Variants in MMP16 observed in about 807,000 individuals in gnomAD.
The protein encoded by MMP16 is matrix metalloproteinase-16.
In MMP16, 12 loss-of-function variants were observed where a neutral mutation model predicts 67.8. The ratio of observed to expected loss-of-function variants is 0.18; its 90% CI spans 0.11 to 0.29. The LOEUF (loss-of-function observed/expected upper bound fraction) is 0.29. Among genes scored for constraint, MMP16 ranks in the 10% least tolerant of loss-of-function variants. MMP16 has a pLI of 1.00. For synonymous variants in MMP16, 249 were observed against 255.9 expected, an observed-to-expected ratio of 0.97 and a Z score of 0.26; for missense variants, 475 against 765.7, an observed-to-expected ratio of 0.62 and a Z score of 4.48.
intron 1 of MMP16, among the ~76,000 whole-genome samples, chr8:88,308,583 T>C (rs1197862818): frequency 6.6e-6 from 1 of 152,098 alleles, no homozygotes; most frequent in Non-Finnish European, 1.5e-5. Context: ...ATACATAGTG[T>C]TGAAGCACCT....
intron 4 of MMP16, among the ~76,000 whole-genome samples, chr8:88,158,042 G>A (rs943933115): frequency 2.0e-5 from 3 of 152,088 alleles, no homozygotes; most frequent in Non-Finnish European, 4.4e-5. Flanking sequence ...TGGTGTATAG[G>A]TGCCCCATTT....
intron 1 of MMP16, among the ~76,000 whole-genome samples, chr8:88,309,123 C>T (rs1811257141): frequency 6.6e-6 from 1 of 151,994 alleles, no homozygotes; most frequent in South Asian, 2.1e-4. Context: ...GCCCTTAACG[C>T]AGTAATTCCA....
intron 6 of MMP16, among the ~76,000 whole-genome samples, chr8:88,097,625 C>CAA (rs34488162): frequency 0.16 from 10,773 of 66,940 alleles, 853 homozygotes; most frequent in African/African-American, 0.2. Flanking sequence ...AACCCTGTCT[C>CAA]AAAAAAAAAA....
At chr8:88,326,491 G>T (rs1811539482) in intron 1 of MMP16, among the ~76,000 whole-genome samples, 1 of 151,906 alleles carries the variant, frequency 6.6e-6, no homozygotes, top group Non-Finnish European at 1.5e-5. Flanking sequence ...AAAAGAGATG[G>T]ATTTCATGTC....
intron 6 of MMP16, among the ~76,000 whole-genome samples, chr8:88,100,936 T>C (rs576963174): frequency 2.1e-5 from 3 of 144,104 alleles, no homozygotes; most frequent in African/African-American, 5.1e-5. Flanking sequence ...ATGAGAACAC[T>C]TGGACACAGG....
In MMP16 at chr8:88,087,128, C is replaced by T. The variant is rs956815710; in HGVS notation, c.1084-12385G>A. The stretch of plus-strand genomic sequence containing the variant: ...GGCTCTCTTTCCTGCTCCTATAGTC[C>T]TAAACTGGCCTATAGTCCTAAATTA... On this transcript the variant is annotated intron_variant, in intron 6 of 9. Coordinates refer to ENST00000286614, the MANE Select transcript of MMP16 (RefSeq NM_005941.5). 4.0e-5 allele frequency among the ~76,000 whole-genome samples: 6 copies of T among 151,806 alleles called. 1 individual carries two copies. Among genetic ancestry groups the T allele is most frequent in the South Asian group, 2.1e-4 (1 of 4,820 alleles).
At chr8:88,300,153 A>G (rs1811075460) in intron 1 of MMP16, among the ~76,000 whole-genome samples, 1 of 152,236 alleles carries the variant, frequency 6.6e-6, no homozygotes, top group African/African-American at 2.4e-5. Flanking sequence ...ACTTGTATAT[A>G]GAAAATTATA....
intron 1 of MMP16, among the ~76,000 whole-genome samples, chr8:88,248,790 T>TA (rs11356043): frequency 0.074 from 10,431 of 140,018 alleles, 468 homozygotes; most frequent in African/African-American, 0.12. Flanking sequence ...TTGGACATAG[T>TA]AAAAAAAAAA....
At chr8:88,116,836 C>T (rs1202632684) in intron 5 of MMP16, 118 bp from the exon 6 acceptor site, 4 of 879,694 alleles carry the variant, frequency 4.5e-6, no homozygotes, top group East Asian at 4.9e-5. Flanking sequence ...ACTAAGAGGT[C>T]TTTAAGATCG....
chr8:88,076,066 G>A (rs562969887), intron 6 of MMP16, among the ~76,000 whole-genome samples: 1 of 151,886 alleles, frequency 6.6e-6, no homozygotes, highest in African/African-American at 2.4e-5. Flanking sequence ...TGTCTTAAGA[G>A]CCTTTAATAG....
intron 1 of MMP16, among the ~76,000 whole-genome samples, chr8:88,214,307 G>A (rs912779356): frequency 1.3e-5 from 2 of 152,076 alleles, no homozygotes; most frequent in African/African-American, 4.8e-5. Flanking sequence ...ATTTATATAG[G>A]TAAATGAAAC....
intron 1 of MMP16, among the ~76,000 whole-genome samples, chr8:88,323,148 C>T (rs772835361): frequency 2.6e-5 from 4 of 152,064 alleles, no homozygotes; most frequent in Non-Finnish European, 5.9e-5. Flanking sequence ...ACCATTCTTC[C>T]ATGTCCAAAT....
At chr8:88,237,029 A>G (rs1206623511) in intron 1 of MMP16, among the ~76,000 whole-genome samples, 2 of 152,184 alleles carry the variant, frequency 1.3e-5, no homozygotes, top group African/African-American at 4.8e-5. Context: ...CTACAGGTAA[A>G]AAAGTTAAAT....
chr8:88,322,581 C>A (rs892974900), intron 1 of MMP16, among the ~76,000 whole-genome samples: 2 of 151,624 alleles, frequency 1.3e-5, no homozygotes, highest in Non-Finnish European at 2.9e-5. Context: ...GTAATCCCAG[C>A]ACTTTGGGAG....
At chr8:88,108,428 A>T (rs1809279646) in intron 6 of MMP16, among the ~76,000 whole-genome samples, 1 of 151,252 alleles carries the variant, frequency 6.6e-6, no homozygotes, top group African/African-American at 2.4e-5. Context: ...GGAGGGTAAC[A>T]TAGCCCAGCC....
At position 88,287,582 on chromosome 8, in the gene MMP16, A is replaced by C. The variant is rs1810852629; in HGVS notation, c.132+39493T>G. Among the ~76,000 whole-genome samples the C allele has an allele frequency of 2.0e-5, 3 of 152,306 alleles. No individual in the cohort carries two copies. In the South Asian group the frequency reaches 6.2e-4, roughly 32 times the overall value. On this transcript the variant is annotated intron_variant, in intron 1 of 9. Coordinates refer to ENST00000286614, the MANE Select transcript of MMP16 (RefSeq NM_005941.5). ...GTTCATTGTTACATCCCCTCCACCT[A>C]ATATATCTGGAATATAGCAGGTACC...
chr8:88,201,795 G>GTGA (rs1367061541), intron 1 of MMP16, among the ~76,000 whole-genome samples: 1 of 152,054 alleles, frequency 6.6e-6, no homozygotes, highest in Non-Finnish European at 1.5e-5. Context: ...CAACTAAAAG[G>GTGA]TGATGGCCCC....
chr8:88,066,183 A>G (rs548552029), intron 7 of MMP16, among the ~76,000 whole-genome samples: 141 of 152,226 alleles, frequency 9.3e-4, no homozygotes, highest in African/African-American at 3.2e-3. Flanking sequence ...TTTGTTTCCA[A>G]TTCTTGAAAG....
Position 88,205,644 on chromosome 8 carries a change from C to G in MMP16, c.133-8338G>C, listed in dbSNP as rs143309474. On this transcript the variant is annotated intron_variant, in intron 1 of 9. Coordinates refer to ENST00000286614, the MANE Select transcript of MMP16 (RefSeq NM_005941.5). ...CAGTTTAAAAAACCACTGAAACCTTCTTTGCCAGAGACACCCTTTCTTCTC... is the reference window on the plus strand; with the variant it reads ...CAGTTTAAAAAACCACTGAAACCTTGTTTGCCAGAGACACCCTTTCTTCTC... Among the ~76,000 whole-genome samples, 13 of 152,298 alleles carry G rather than the reference C, an allele frequency of 8.5e-5. 2 individuals are homozygous for G. Among genetic ancestry groups the G allele is most frequent in the African/African-American group, 3.1e-4 (13 of 41,570 alleles).
Sources: gnomAD v4.1 joint callset for allele counts (sites outside exome capture counted in the v4.1 genomes callset) on GRCh38, gnomAD v4.1.1 for gene constraint, MANE v1.5 for transcripts, NCBI Gene and HGNC (gene_info 2026-07-23, HGNC 2026-07-21) for gene names.